The following DLC1 variants were observed in gnomAD, a reference collection of about 807,000 sequenced individuals.
DLC1 encodes rho GTPase-activating protein 7.
A neutral mutation model predicts 140.3 loss-of-function variants in DLC1; 54 were observed. The observed-to-expected ratio is 0.38, with a 90% CI of 0.31 to 0.48. The LOEUF (loss-of-function observed/expected upper bound fraction) is 0.48, where lower values mean the gene tolerates loss of function less well. Among genes scored for constraint, DLC1 ranks in the 20% least tolerant of loss-of-function variants. DLC1 has a pLI of 0.96. For synonymous variants in DLC1, 986 were observed against 728.1 expected, an observed-to-expected ratio of 1.35 and a Z score of -5.70; for missense variants, 2,536 against 1,907.0, an observed-to-expected ratio of 1.33 and a Z score of -6.14.
At chr8:13,428,905 CA>C (rs1838732845) in intron 2 of DLC1, among the ~76,000 whole-genome samples, 1 of 152,180 alleles carries the variant, frequency 6.6e-6, no homozygotes, top group Non-Finnish European at 1.5e-5. Flanking sequence ...AGACTCTGAT[CA>C]GGCTACAGGG....
intron 2 of DLC1, among the ~76,000 whole-genome samples, chr8:13,431,645 T>G (rs907524806): frequency 1.3e-5 from 2 of 151,884 alleles, no homozygotes; most frequent in Non-Finnish European, 2.9e-5. Context: ...AAGACATACA[T>G]CTGCTTTAGA....
intron 5 of DLC1, among the ~76,000 whole-genome samples, chr8:13,217,490 C>T (rs189799294): frequency 1.9e-3 from 284 of 152,260 alleles, no homozygotes; most frequent in African/African-American, 6.1e-3. Context: ...TGGCTTCCCC[C>T]ATTAGGCTGT....
At chr8:13,137,580 C>CTT (rs1243224328) in intron 5 of DLC1, among the ~76,000 whole-genome samples, 2 of 147,974 alleles carry the variant, frequency 1.4e-5, no homozygotes, top group African/African-American at 5.0e-5. Flanking sequence ...CTTTCTTCAG[C>CTT]TTGGACATCA....
intron 5 of DLC1, among the ~76,000 whole-genome samples, chr8:13,262,678 G>A (rs1259668628): frequency 6.6e-6 from 1 of 151,980 alleles, no homozygotes; most frequent in East Asian, 1.9e-4. Flanking sequence ...TTCCTGCCTC[G>A]GCCTCCCAAG....
chr8:13,482,916 T>C (rs1014491680), intron 2 of DLC1, among the ~76,000 whole-genome samples: 1 of 152,240 alleles, frequency 6.6e-6, no homozygotes, highest in African/African-American at 2.4e-5. Context: ...ACAGTTTGAA[T>C]TGGAGGTTTG....
At chr8:13,381,532 G>T (rs1033138515) in intron 4 of DLC1, among the ~76,000 whole-genome samples, 16 of 152,188 alleles carry the variant, frequency 1.1e-4, no homozygotes, top group African/African-American at 3.6e-4. Flanking sequence ...GTCATAAAAG[G>T]CGTGGCAGTC....
intron 5 of DLC1, among the ~76,000 whole-genome samples, chr8:13,232,894 A>G (rs1182705280): frequency 1.3e-5 from 2 of 152,228 alleles, no homozygotes; most frequent in Non-Finnish European, 2.9e-5. Flanking sequence ...AAAAACACAA[A>G]GTAAATAAAG....
chr8:13,212,159 G>A (rs1827977790), intron 5 of DLC1, among the ~76,000 whole-genome samples: 1 of 152,136 alleles, frequency 6.6e-6, no homozygotes, highest in African/African-American at 2.4e-5. Context: ...ATGTTATTAA[G>A]TTTATATTAC....
At chr8:13,325,710 G>A (rs1373260471) in intron 4 of DLC1, among the ~76,000 whole-genome samples, 2 of 152,212 alleles carry the variant, frequency 1.3e-5, no homozygotes, top group African/African-American at 4.8e-5. Flanking sequence ...CATTATCACT[G>A]ATTAAGTTCA....
At chr8:13,123,587 A>G (rs972425200) in intron 5 of DLC1, among the ~76,000 whole-genome samples, 9 of 149,466 alleles carry the variant, frequency 6.0e-5, no homozygotes, top group African/African-American at 2.0e-4. Context: ...ACCTCAAGTG[A>G]TCTGCCTGCC....
intron 4 of DLC1, among the ~76,000 whole-genome samples, chr8:13,344,757 A>G (rs1834248088): frequency 6.6e-6 from 1 of 152,202 alleles, no homozygotes; most frequent in South Asian, 2.1e-4. Flanking sequence ...ACGTGTGTGT[A>G]ACAATATTTA....
chr8:13,473,714 A>C (rs1175409830), intron 2 of DLC1, among the ~76,000 whole-genome samples: 1 of 152,126 alleles, frequency 6.6e-6, no homozygotes, highest in African/African-American at 2.4e-5. Context: ...CTTGTTGGGA[A>C]CTGGAACAAA....
rs73556415 is a variant in DLC1, at chr8:13,141,996, C to T, written c.1349-26339G>A. On this transcript the variant is annotated intron_variant, in intron 5 of 17. Coordinates refer to ENST00000276297, the MANE Select transcript of DLC1 (RefSeq NM_182643.3). ...CACCTACTGGGAAATGATTGGATTA[C>T]GGGGGTGGTTTCTCCATGCTGTTCT... Among the ~76,000 whole-genome samples the T allele has an allele frequency of 6.7e-3, 1,022 of 152,244 alleles. 11 individuals are homozygous for T. Among genetic ancestry groups the T allele is most frequent in the African/African-American group, 0.024 (990 of 41,542 alleles).
intron 1 of DLC1, among the ~76,000 whole-genome samples, chr8:13,575,832 G>A (rs1337672177): frequency 6.6e-6 from 1 of 152,144 alleles, no homozygotes; most frequent in African/African-American, 2.4e-5. Flanking sequence ...AACAATATCT[G>A]GAATTCTGAA....
chr8:13,227,048 C>T (rs1828825300), intron 5 of DLC1, among the ~76,000 whole-genome samples: 3 of 152,060 alleles, frequency 2.0e-5, no homozygotes, highest in South Asian at 4.2e-4. Context: ...GTATAGGGGG[C>T]GGGGGCAGGG....
chr8:13,174,703 A>G (rs1825667976), intron 5 of DLC1, among the ~76,000 whole-genome samples: 1 of 151,814 alleles, frequency 6.6e-6, no homozygotes, highest in African/African-American at 2.4e-5. Flanking sequence ...CCCACTTTTT[A>G]CTGGGGTTGT....
chr8:13,283,468 C>T (rs1327789028), intron 5 of DLC1, among the ~76,000 whole-genome samples: 1 of 152,176 alleles, frequency 6.6e-6, no homozygotes, highest in Non-Finnish European at 1.5e-5. Context: ...TTTGGGGCCA[C>T]AGAATAGAGA....
At chr8:13,165,030 T>C (rs1825008188) in intron 5 of DLC1, among the ~76,000 whole-genome samples, 1 of 152,218 alleles carries the variant, frequency 6.6e-6, no homozygotes, top group Non-Finnish European at 1.5e-5. Flanking sequence ...AGAATGGATA[T>C]GGATGGCTTT....
At chr8:13,093,679 C>T (rs1053240094) in intron 12 of DLC1, among the ~76,000 whole-genome samples, 2 of 152,204 alleles carry the variant, frequency 1.3e-5, no homozygotes, top group Admixed American at 6.5e-5. Flanking sequence ...ACAAATACCT[C>T]GGTGAGGAAA....
Sources: allele counts gnomAD v4.1 joint callset (sites outside exome capture counted in the v4.1 genomes callset), GRCh38; gene constraint gnomAD v4.1.1; transcripts MANE v1.5; gene names NCBI Gene and HGNC (gene_info 2026-07-23, HGNC 2026-07-21).